The following GSDMC variants were observed in gnomAD, a reference collection of about 807,000 sequenced individuals.
GSDMC encodes gasdermin C, also known as gasdermin-C.
In GSDMC, 59 loss-of-function variants were observed where a neutral mutation model predicts 58.0. That is an observed-to-expected ratio of 1.02 (90% confidence interval 0.82 to 1.26). The LOEUF (loss-of-function observed/expected upper bound fraction) is 1.26, where lower values mean the gene tolerates loss of function less well. Among genes scored for constraint, GSDMC ranks in the 50% most tolerant of loss-of-function variants. GSDMC has a pLI of 0.00. For missense variants in GSDMC, 659 were observed against 598.5 expected (o/e 1.10, Z -1.06); for synonymous variants, 241 against 220.2 (o/e 1.09, Z -0.83).
At chr8:129,733,429 A>C in the GSDMC span, among the ~76,000 whole-genome samples, 1 of 152,102 alleles carries the variant, frequency 6.6e-6, no homozygotes, top group African/African-American at 2.4e-5. Context: ...CTAACACCTC[A>C]TACAGGCGGA....
At chr8:129,752,849 G>C in intron 6 of GSDMC, 29 bp from the exon 7 acceptor site, 1 of 1,613,756 alleles carries the variant, frequency 6.2e-7, no homozygotes, top group Non-Finnish European at 8.5e-7. Context: ...CAGAATGACT[G>C]GGTAACTTTA....
chr8:129,710,987 A>T, the GSDMC span, among the ~76,000 whole-genome samples: 1 of 152,204 alleles, frequency 6.6e-6, no homozygotes, highest in Admixed American at 6.5e-5. Flanking sequence ...TTGCAGATTC[A>T]TGCATTCCTC....
chr8:129,734,151 G>T, the GSDMC span, among the ~76,000 whole-genome samples: 5 of 152,130 alleles, frequency 3.3e-5, no homozygotes, highest in Non-Finnish European at 7.3e-5. Context: ...AATGAACAAA[G>T]CCTCCAAGAA....
the GSDMC span, among the ~76,000 whole-genome samples, chr8:129,735,275 G>A: frequency 1.3e-5 from 2 of 152,122 alleles, no homozygotes; most frequent in African/African-American, 4.8e-5. Flanking sequence ...AGGATATCCA[G>A]GACTTGAACT....
At chr8:129,781,001 AG>A (rs1333645329) in intron 1 of GSDMC, among the ~76,000 whole-genome samples, 1 of 152,220 alleles carries the variant, frequency 6.6e-6, no homozygotes, top group Non-Finnish European at 1.5e-5. Context: ...AGCATTTGCA[AG>A]CCTCATAGTA....
the GSDMC span, chr8:129,707,084 C>T: frequency 1.3e-5 from 2 of 152,132 alleles, no homozygotes; most frequent in African/African-American, 4.8e-5. Flanking sequence ...AGCTTCTCCA[C>T]AGCAGGGGTT....
At chr8:129,728,933 C>T in the GSDMC span, 13 of 666,196 alleles carry the variant, frequency 2.0e-5, no homozygotes, top group East Asian at 2.6e-4. Context: ...TCAGGAGGCC[C>T]GAGGTGGTGG....
chr8:129,785,159 C>T (rs769289437), intron 1 of GSDMC, among the ~76,000 whole-genome samples: 28 of 151,928 alleles, frequency 1.8e-4, no homozygotes, highest in Non-Finnish European at 1.6e-4. Flanking sequence ...TGCAGTGAGT[C>T]GAGATTGCAC....
chr8:129,759,920 G>T (rs757695176), intron 6 of GSDMC, among the ~76,000 whole-genome samples: 2 of 152,054 alleles, frequency 1.3e-5, no homozygotes, highest in Non-Finnish European at 2.9e-5. Flanking sequence ...AACAAACATT[G>T]CAACACTGTT....
chr8:129,782,705 A>C (rs1023285687), intron 1 of GSDMC, among the ~76,000 whole-genome samples: 4 of 152,150 alleles, frequency 2.6e-5, no homozygotes, highest in African/African-American at 9.7e-5. Flanking sequence ...AATGAGATCA[A>C]GGCTGTAATA....
chr8:129,716,413 CTGTT>C, the GSDMC span, among the ~76,000 whole-genome samples: 1 of 152,186 alleles, frequency 6.6e-6, no homozygotes, highest in African/African-American at 2.4e-5. Context: ...ATTTGGCTCT[CTGTT>C]TGTCTATTAG....
At chr8:129,750,394 GC>G (rs765636502) in intron 11 of GSDMC, 36 bp downstream of exon 11, 2 of 1,594,600 alleles carry the variant, frequency 1.3e-6, no homozygotes, top group Non-Finnish European at 1.7e-6. Flanking sequence ...CCCATTTACA[GC>G]TTTTACCAGA....
At chr8:129,729,324 A>C in the GSDMC span, 1 of 514,846 alleles carries the variant, frequency 1.9e-6, no homozygotes, top group Non-Finnish European at 3.7e-6. Flanking sequence ...TTTAATTATT[A>C]TTATACTTTA....
At chr8:129,773,906 A>G (rs2034140176) in intron 3 of GSDMC, among the ~76,000 whole-genome samples, 1 of 152,188 alleles carries the variant, frequency 6.6e-6, no homozygotes, top group African/African-American at 2.4e-5. Flanking sequence ...CATGAAAGAA[A>G]TTAAAGAAGA....
At chr8:129,772,156 G>T (rs78245227) in intron 3 of GSDMC, among the ~76,000 whole-genome samples, 1 of 151,814 alleles carries the variant, frequency 6.6e-6, no homozygotes, top group Non-Finnish European at 1.5e-5. Flanking sequence ...AGCTGCTCGG[G>T]AGGCTTAGGC....
At chr8:129,759,012 A>G (rs1586588676) in intron 6 of GSDMC, among the ~76,000 whole-genome samples, 1 of 152,170 alleles carries the variant, frequency 6.6e-6, no homozygotes, top group African/African-American at 2.4e-5. Flanking sequence ...CCATAAAAAC[A>G]GACCCATAAC....
At chr8:129,725,188 T>C in the GSDMC span, among the ~76,000 whole-genome samples, 2 of 152,102 alleles carry the variant, frequency 1.3e-5, no homozygotes, top group African/African-American at 4.8e-5. Context: ...TCTGTTGGAG[T>C]ACAGGCTAAA....
At chr8:129,783,055 G>A (rs1027945681) in intron 1 of GSDMC, among the ~76,000 whole-genome samples, 9 of 151,980 alleles carry the variant, frequency 5.9e-5, no homozygotes, top group African/African-American at 1.4e-4. Flanking sequence ...GGTACAACAC[G>A]CACAAATCAA....
chr8:129,738,779 T>A, the GSDMC span, among the ~76,000 whole-genome samples: 2 of 151,802 alleles, frequency 1.3e-5, no homozygotes, highest in South Asian at 4.2e-4. Context: ...CGTTGTGCAC[T>A]TGTACCCTAG....
Sources: allele counts gnomAD v4.1 joint callset (sites outside exome capture counted in the v4.1 genomes callset), GRCh38; gene constraint gnomAD v4.1.1; transcripts MANE v1.5; gene names NCBI Gene and HGNC (gene_info 2026-07-23, HGNC 2026-07-21).